PDE1B: variants seen among roughly 807,000 people sequenced by gnomAD.
The protein encoded by PDE1B is phosphodiesterase 1B, also known as dual specificity calcium/calmodulin-dependent 3',5'-cyclic nucleotide phosphodiesterase 1B.
In PDE1B, 13 loss-of-function variants were observed where a neutral mutation model predicts 66.7. That is an observed-to-expected ratio of 0.19 (90% CI 0.13 to 0.31). The LOEUF is 0.31. Ranked by LOEUF, PDE1B falls within the 10% of genes least tolerant of loss-of-function variation. PDE1B has a pLI of 1.00. For missense variants in PDE1B, 485 were observed against 682.3 expected, an observed-to-expected ratio of 0.71 and a Z score of 3.22; for synonymous variants, 230 against 253.9, an observed-to-expected ratio of 0.91 and a Z score of 0.90.
Position 54,579,223 on chromosome 12 carries a change from A to T in PDE1B, c.*1381A>T. On this transcript the variant is annotated 3_prime_UTR_variant, in exon 16 of 16. Transcript: ENST00000243052. ...ACCCCTGCTATAGCCAGAGAACAATAAAGAAGGGAGACCAGGCCTGACTGT... is the reference window on the plus strand; with the variant it reads ...ACCCCTGCTATAGCCAGAGAACAATTAAGAAGGGAGACCAGGCCTGACTGT... 2 of 984,480 alleles carry T rather than the reference A, an allele frequency of 2.0e-6. No individual in the cohort carries two copies. The highest frequency in any genetic ancestry group is 2.4e-6 in the Non-Finnish European group (2 of 829,206). 61.0% of individuals were successfully genotyped at this position (984,480 alleles called of 1,614,324 possible).
Position 54,554,398 on chromosome 12 carries a change from C to T in PDE1B, c.113+4413C>T, listed in dbSNP as rs535887433. On this transcript the variant is annotated intron_variant, in intron 2 of 15. Transcript: ENST00000243052. The stretch of plus-strand genomic sequence containing the variant: ...CCTTGGTGGGGACAGTTTTTTAGTG[C>T]TATCCTCAGCAGATTAGTCCTTCTT... The T allele has an allele frequency of 3.3e-5, 5 of 152,292 alleles. No homozygotes were observed. The South Asian group carries it at 1.0e-3, about 32-fold the overall frequency. The allele number at this position is 152,292 out of a possible 1,614,324, so 9.4% of individuals were successfully genotyped here.
At chr12:54,560,618 T>C (rs1371163459) in intron 2 of PDE1B, among the ~76,000 whole-genome samples, 1 of 152,114 alleles carries the variant, frequency 6.6e-6, no homozygotes, top group Non-Finnish European at 1.5e-5. Context: ...TGTGCGCACG[T>C]CCACTTGGAG....
chr12:54,565,481 A>C (rs953632704), intron 2 of PDE1B, among the ~76,000 whole-genome samples: 1 of 152,180 alleles, frequency 6.6e-6, no homozygotes, highest in African/African-American at 2.4e-5. Context: ...CTTTTATGAT[A>C]TATCTCGCCT....
At chr12:54,576,174 A>C in intron 13 of PDE1B, 74 bp downstream of exon 13, 1 of 927,152 alleles carries the variant, frequency 1.1e-6, no homozygotes, top group Non-Finnish European at 1.8e-6. Context: ...ACTCACAGAG[A>C]GGACCGACTC....
chr12:54,566,941 C>A, intron 2 of PDE1B, 33 bp from the exon 3 acceptor site: 1 of 1,199,558 alleles, frequency 8.3e-7, no homozygotes, highest in Non-Finnish European at 1.2e-6. Flanking sequence ...GGTAGCTGTG[C>A]CTAAGCAGCC....
Position 54,572,739 on chromosome 12 carries a change from G to A in PDE1B, c.733G>A (p.Val245Met). 2 of 1,614,062 alleles carry A rather than the reference G, an allele frequency of 1.2e-6. No homozygotes were observed. The highest frequency in any genetic ancestry group is 4.5e-5 in the East Asian group (2 of 44,888). The stretch of plus-strand genomic sequence containing the variant: ...TTGCTTCTTGCTCCGCACAGGGATG[G>A]TGGTAGGTGCCCTGGAGATGATTCT... ...VHCFLLRTGM[V>M]HCLSEIELLA... Residue 245 changes from valine (V) to methionine (M), a missense_variant and splice_region_variant, in exon 7 of 16, where the codon GTG (valine) becomes ATG (methionine). Coordinates refer to ENST00000243052, the MANE Select transcript of PDE1B (RefSeq NM_000924.4).
At chr12:54,551,933 TG>T (rs1192242796) in intron 2 of PDE1B, among the ~76,000 whole-genome samples, 4 of 152,252 alleles carry the variant, frequency 2.6e-5, no homozygotes, top group African/African-American at 9.6e-5. Flanking sequence ...TTCAGCAGTC[TG>T]GTCCTTAAGA....
rs1957588497 is a variant in PDE1B at position 54,569,975 on chromosome 12, C to T, written c.478-266C>T. Among the ~76,000 whole-genome samples the T allele has an allele frequency of 6.6e-6, 1 of 152,200 alleles. No individual in the cohort carries two copies. Among genetic ancestry groups the T allele is most frequent in the Non-Finnish European group, 1.5e-5 (1 of 68,026 alleles). On this transcript the variant is annotated intron_variant, in intron 5 of 15. Coordinates refer to ENST00000243052, the MANE Select transcript of PDE1B (RefSeq NM_000924.4). This position sits in a 1 kb window ranked among gnomAD's most constrained non-coding sequence, Gnocchi z 4.4. ...TCGGTCTCCCAAAGTATTGGGATTA[C>T]AGACGTGAGCCACTGCGCCCGGCCT...
intron 2 of PDE1B, among the ~76,000 whole-genome samples, chr12:54,565,815 T>G (rs1295324889): frequency 6.6e-6 from 1 of 152,156 alleles, no homozygotes; most frequent in Non-Finnish European, 1.5e-5. Context: ...TAGAGCTACT[T>G]CTGTTCAGGA....
intron 10 of PDE1B, chr12:54,574,243 G>C (rs549367126): frequency 6.3e-6 from 1 of 157,860 alleles, no homozygotes; most frequent in African/African-American, 2.4e-5. Flanking sequence ...AGAGTGGACT[G>C]TGTGTGTGTG....
rs1489726928 is a variant in PDE1B, at chr12:54,549,860, A to C, written c.-13A>C. The C allele has an allele frequency of 5.0e-6, 8 of 1,603,936 alleles. No homozygotes were observed. In the African/African-American group the frequency reaches 1.1e-4, roughly 21 times the overall value. ...GCTGTCTCCTCCTTCTGTTCCGTAGACCGTGGCTGAGCATGGAGCTGTCCC... is the reference window on the plus strand; with the variant it reads ...GCTGTCTCCTCCTTCTGTTCCGTAGCCCGTGGCTGAGCATGGAGCTGTCCC... On this transcript the variant is annotated splice_region_variant and 5_prime_UTR_variant, in exon 2 of 16. Transcript: ENST00000243052.
chr12:54,577,533 C>G, intron 15 of PDE1B, 188 bp downstream of exon 15: 1 of 1,557,494 alleles, frequency 6.4e-7, no homozygotes, highest in Non-Finnish European at 8.6e-7. Context: ...GCTCTTCTGT[C>G]CCCCAGTCCC....
chr12:54,552,596 T>C (rs1957293350), intron 2 of PDE1B, among the ~76,000 whole-genome samples: 1 of 152,218 alleles, frequency 6.6e-6, no homozygotes, highest in African/African-American at 2.4e-5. Flanking sequence ...CAATTTTTTG[T>C]TGGGAAGAGC....
At chr12:54,551,588 T>G (rs1957278155) in intron 2 of PDE1B, among the ~76,000 whole-genome samples, 2 of 152,192 alleles carry the variant, frequency 1.3e-5, no homozygotes, top group African/African-American at 4.8e-5. Flanking sequence ...GAATTCAGGA[T>G]GGCTCCCCTA....
rs774810310 is a variant in PDE1B, at chr12:54,573,870, A to AGAGAGTGTGTGT, written c.1064+162_1064+163insAGAGTGTGTGTG. On this transcript the variant is annotated intron_variant, in intron 10 of 15. Transcript: ENST00000243052. The surrounding 1 kb of genome is among the most constrained non-coding windows in gnomAD (Gnocchi z 5.2). ...GCATCTCTATGTGAGAGAGAGAGAG[A>AGAGAGTGTGTGT]GTGTGTGTGTGTGTGTGTGTGTGTG... The AGAGAGTGTGTGT allele has an allele frequency of 1.9e-4, 96 of 502,064 alleles. No individual in the cohort carries two copies. Among genetic ancestry groups the AGAGAGTGTGTGT allele is most frequent in the East Asian group, 2.5e-4 (7 of 27,592 alleles). 31.1% of individuals were successfully genotyped at this position (502,064 alleles called of 1,614,324 possible). A position where few individuals can be genotyped will look rare whatever the true frequency, so the allele number is the denominator to read the frequency against.
chr12:54,573,384 G>T lies in PDE1B; in HGVS notation c.866G>T (p.Arg289Leu), dbSNP rs779973236. 6.2e-7 allele frequency: 1 copy of T among 1,614,068 alleles called. No homozygotes were observed. The highest frequency in any genetic ancestry group is 1.7e-5 in the Admixed American group (1 of 60,030). Reference protein sequence around the residue: ...KSECAIVYNDRSVLENHHISS... With the variant: ...KSECAIVYNDLSVLENHHISS... Reference sequence around the variant, plus strand: ...GAATGTGCCATCGTGTACAATGATCGTTCAGTGCTGGAGAATCACCACATC... The same window carrying T: ...GAATGTGCCATCGTGTACAATGATCTTTCAGTGCTGGAGAATCACCACATC... Residue 289 changes from arginine (R) to leucine (L), a missense_variant, in exon 9 of 16, where the codon CGT (arginine) becomes CTT (leucine). Arg to Leu is a moderately radical substitution (Grantham distance 102). Around this residue, in one of 4 missense-constraint regions of PDE1B, gnomAD observed 282 missense variants for 453.4 expected, o/e 0.62. Transcript: ENST00000243052. The surrounding 1 kb of genome is among the most constrained non-coding windows in gnomAD (Gnocchi z 5.2).
At chr12:54,564,184 C>T (rs979561197) in intron 2 of PDE1B, among the ~76,000 whole-genome samples, 1 of 152,046 alleles carries the variant, frequency 6.6e-6, no homozygotes, top group Non-Finnish European at 1.5e-5. Context: ...AATAACACCC[C>T]CCACACCCAT....
intron 2 of PDE1B, among the ~76,000 whole-genome samples, chr12:54,558,155 A>C (rs192279476): frequency 1.4e-3 from 214 of 152,246 alleles, no homozygotes; most frequent in African/African-American, 5.0e-3. Context: ...GTCTGAAAGC[A>C]GTCTCTCCCA....
rs1045651467 is a variant in PDE1B, at chr12:54,549,731, G to T, written c.-55G>T. Reference sequence around the variant, plus strand: ...AGCTGCAGCTCTGCCAGCTTGGGCCGAGCCTAGAGACACCGGCCTGGCTGG... The same window carrying T: ...AGCTGCAGCTCTGCCAGCTTGGGCCTAGCCTAGAGACACCGGCCTGGCTGG... On this transcript the variant is annotated 5_prime_UTR_variant, in exon 1 of 16. Coordinates refer to ENST00000243052, the MANE Select transcript of PDE1B (RefSeq NM_000924.4). 1.0e-5 allele frequency: 6 copies of T among 577,012 alleles called. No homozygotes were observed. The highest frequency in any genetic ancestry group is 1.9e-5 in the African/African-American group (1 of 52,650). The allele number at this position is 577,012 out of a possible 1,614,324, so 35.7% of individuals were successfully genotyped here. A position where few individuals can be genotyped will look rare whatever the true frequency, so the allele number is the denominator to read the frequency against.
Sources: gnomAD v4.1 joint callset for allele counts (sites outside exome capture counted in the v4.1 genomes callset) on GRCh38, gnomAD v4.1.1 for gene constraint, gnomAD v4.1.1 regional missense constraint, Gnocchi (gnomAD v3.1) non-coding constraint, MANE v1.5 for transcripts, NCBI Gene and HGNC (gene_info 2026-07-23, HGNC 2026-07-21) for gene names.